Variants in NGEF observed in about 807,000 individuals in gnomAD.
NGEF encodes the protein neuronal guanine nucleotide exchange factor, also known as ephexin-1.
NGEF carries 31 observed loss-of-function variants against 80.9 expected under a neutral mutation model. The ratio of observed to expected loss-of-function variants is 0.38; its 90% confidence interval spans 0.29 to 0.52. The LOEUF (loss-of-function observed/expected upper bound fraction) is 0.52, where lower values mean the gene tolerates loss of function less well. NGEF is among the 20% of genes least tolerant of loss of function. NGEF has a pLI of 0.84. For missense variants in NGEF, 709 were observed against 926.2 expected, an observed-to-expected ratio of 0.77 and a Z score of 3.04; for synonymous variants, 371 against 370.2, an observed-to-expected ratio of 1.00 and a Z score of -0.03.
rs1691741575 is a variant in NGEF, at chr2:232,887,816, G to A, written c.1347+217C>T. On this transcript the variant is annotated intron_variant, in intron 9 of 14. Coordinates refer to ENST00000264051, the MANE Select transcript of NGEF (RefSeq NM_019850.3). ...AGACAGGCGGTGAGTACGTAAGGCT[G>A]GAGCCAGGAAGCAGGGTAAAGAAGG... 2.0e-5 allele frequency among the ~76,000 whole-genome samples: 3 copies of A among 152,208 alleles called. No homozygotes were observed. The South Asian group carries it at 6.2e-4, about 32-fold the overall frequency.
intron 1 of NGEF, among the ~76,000 whole-genome samples, chr2:232,996,992 C>T (rs2106340533): frequency 6.6e-6 from 1 of 152,316 alleles, no homozygotes; most frequent in Middle Eastern, 3.4e-3. Flanking sequence ...TGACCTCTGA[C>T]TTCTAACAGT....
Position 232,882,321 on chromosome 2 carries a change from G to GT in NGEF, c.1758-57dup, listed in dbSNP as rs1157274957. On this transcript the variant is annotated intron_variant, in intron 12 of 14. Coordinates refer to ENST00000264051, the MANE Select transcript of NGEF (RefSeq NM_019850.3). ...TGCAGATCAACGGCAGCCCCCCAAC[G>GT]TGTGGCACGAGGCTTCCCAGCTAGC... 3.3e-6 allele frequency: 5 copies of GT among 1,495,012 alleles called. No homozygotes were observed. The East Asian group carries it at 1.1e-4, about 34-fold the overall frequency. 92.6% of individuals were successfully genotyped at this position (1,495,012 alleles called of 1,614,324 possible). A position where few individuals can be genotyped will look rare whatever the true frequency, so the allele number is the denominator to read the frequency against.
intron 4 of NGEF, among the ~76,000 whole-genome samples, chr2:232,925,070 A>G (rs1207585894): frequency 6.6e-6 from 1 of 152,250 alleles, no homozygotes; most frequent in Non-Finnish European, 1.5e-5. Flanking sequence ...CCTATTTTAT[A>G]TATTGTACAT....
chr2:232,908,524 T>C (rs1692626707), intron 5 of NGEF, among the ~76,000 whole-genome samples: 1 of 152,144 alleles, frequency 6.6e-6, no homozygotes, highest in Admixed American at 6.5e-5. Context: ...TTTGATTTTT[T>C]TTCTTTTTTC....
chr2:232,915,482 T>C (rs1692779231), intron 5 of NGEF, among the ~76,000 whole-genome samples: 1 of 152,200 alleles, frequency 6.6e-6, no homozygotes, highest in Admixed American at 6.5e-5. Context: ...TCAACTGGAT[T>C]CATTACATGT....
intron 4 of NGEF, among the ~76,000 whole-genome samples, chr2:232,924,196 C>T (rs1296769230): frequency 6.6e-6 from 1 of 152,144 alleles, no homozygotes; most frequent in African/African-American, 2.4e-5. Flanking sequence ...GAGATTGCGC[C>T]ACTGCACTCC....
At chr2:232,916,018 T>TA (rs1455194134) in intron 5 of NGEF, among the ~76,000 whole-genome samples, 1 of 152,188 alleles carries the variant, frequency 6.6e-6, no homozygotes, top group Non-Finnish European at 1.5e-5. Context: ...GTCTAGTTCA[T>TA]AACAGTTCCC....
At chr2:232,949,218 C>A (rs531618169) in intron 3 of NGEF, among the ~76,000 whole-genome samples, 1 of 152,300 alleles carries the variant, frequency 6.6e-6, no homozygotes, top group South Asian at 2.1e-4. Flanking sequence ...AGCTCTTGGT[C>A]CCTTTTGTTC....
chr2:232,969,882 AAT>A (rs1480347278), intron 3 of NGEF, among the ~76,000 whole-genome samples: 1 of 151,930 alleles, frequency 6.6e-6, no homozygotes, highest in African/African-American at 2.4e-5. Flanking sequence ...GAGGAGTAAC[AAT>A]AGTTTTTTTG....
At chr2:232,997,365 C>A (rs1466347212) in intron 1 of NGEF, among the ~76,000 whole-genome samples, 1 of 152,156 alleles carries the variant, frequency 6.6e-6, no homozygotes, top group Non-Finnish European at 1.5e-5. Flanking sequence ...GGCAGCACGC[C>A]TCACAGGGGT....
At chr2:232,933,671 C>A (rs1334116264) in intron 3 of NGEF, among the ~76,000 whole-genome samples, 1 of 152,214 alleles carries the variant, frequency 6.6e-6, no homozygotes, top group East Asian at 1.9e-4. Context: ...GCACTGGCCT[C>A]CCCAGCTCTC....
intron 3 of NGEF, among the ~76,000 whole-genome samples, chr2:232,939,986 G>A (rs535029787): frequency 1.8e-4 from 26 of 147,878 alleles, no homozygotes; most frequent in Non-Finnish European, 1.7e-4. Context: ...GACAGAGTGG[G>A]ACTCCATCTT....
intron 3 of NGEF, among the ~76,000 whole-genome samples, chr2:232,953,721 G>T (rs1192405791): frequency 2.0e-5 from 3 of 152,062 alleles, no homozygotes; most frequent in Non-Finnish European, 4.4e-5. Flanking sequence ...GGTGACTGGG[G>T]CCCGGGAGCG....
chr2:232,882,345 G>A (rs566628268), intron 12 of NGEF, 80 bp from the exon 13 acceptor site: 478 of 1,272,632 alleles, frequency 3.8e-4, no homozygotes, highest in Non-Finnish European at 5.2e-4. Context: ...TTCCCAGCTA[G>A]CTGCCCCTCG....
intron 2 of NGEF, among the ~76,000 whole-genome samples, chr2:232,971,403 G>A (rs1368293802): frequency 1.3e-5 from 2 of 152,220 alleles, no homozygotes; most frequent in Non-Finnish European, 2.9e-5. Context: ...AAAACTGTAA[G>A]GCTAGGCGCG....
At chr2:232,901,579 G>A (rs1277651769) in intron 5 of NGEF, 4 of 277,172 alleles carry the variant, frequency 1.4e-5, no homozygotes, top group South Asian at 1.4e-4. Flanking sequence ...ACTGAAGGGC[G>A]GGCTCACTGG....
chr2:232,891,024 A>G, intron 8 of NGEF: 1 of 495,052 alleles, frequency 2.0e-6, no homozygotes, highest in Non-Finnish European at 4.1e-6. Context: ...CCTGTCAGCC[A>G]GGTCTCAGCT....
chr2:232,920,078 T>G (rs1391996157), intron 5 of NGEF, among the ~76,000 whole-genome samples: 1 of 152,120 alleles, frequency 6.6e-6, no homozygotes, highest in African/African-American at 2.4e-5. Context: ...ATGTTGGGGG[T>G]GAGCTGTCCT....
intron 3 of NGEF, among the ~76,000 whole-genome samples, chr2:232,934,005 A>G (rs981886223): frequency 2.3e-4 from 35 of 152,290 alleles, no homozygotes; most frequent in African/African-American, 8.4e-4. Context: ...GCACTTTGGG[A>G]GGCCGAGGCA....
Sources: allele counts gnomAD v4.1 joint callset (sites outside exome capture counted in the v4.1 genomes callset), GRCh38; gene constraint gnomAD v4.1.1; transcripts MANE v1.5; gene names NCBI Gene and HGNC (gene_info 2026-07-23, HGNC 2026-07-21).